SNTG1: variants seen among roughly 807,000 people sequenced by gnomAD.
The protein encoded by SNTG1 is syntrophin gamma 1.
Under a neutral mutation model 74.7 loss-of-function variants are expected in SNTG1, and 39 were observed. That is an observed-to-expected ratio of 0.52 (90% CI 0.40 to 0.68). SNTG1 has a LOEUF of 0.68. Ranked by LOEUF, SNTG1 falls within the 30% of genes least tolerant of loss-of-function variation. The probability of loss-of-function intolerance (pLI) is 0.00; values close to 1 mark genes in which losing one functional copy is unlikely to be tolerated. For synonymous variants in SNTG1, 254 were observed against 217.1 expected, an observed-to-expected ratio of 1.17 and a Z score of -1.49; for missense variants, 685 against 609.5, an observed-to-expected ratio of 1.12 and a Z score of -1.30.
At chr8:50,168,827 G>A (rs1476438266) in intron 1 of SNTG1, among the ~76,000 whole-genome samples, 1 of 152,128 alleles carries the variant, frequency 6.6e-6, no homozygotes, top group Non-Finnish European at 1.5e-5. Flanking sequence ...GAGAGATCCA[G>A]TGTACACTTC....
At chr8:50,310,589 G>C (rs570366367) in intron 2 of SNTG1, among the ~76,000 whole-genome samples, 22 of 152,316 alleles carry the variant, frequency 1.4e-4, no homozygotes, top group African/African-American at 5.1e-4. Flanking sequence ...TCGGGAGGCT[G>C]AGGCAGGAGA....
intron 1 of SNTG1, among the ~76,000 whole-genome samples, chr8:50,086,038 A>G (rs1822852693): frequency 7.7e-6 from 1 of 129,788 alleles, no homozygotes; most frequent in East Asian, 2.0e-4. Flanking sequence ...TGAGAGAAAG[A>G]AAAAAAAAAG....
chr8:50,543,550 T>C (rs2094364170), intron 11 of SNTG1, among the ~76,000 whole-genome samples: 1 of 152,140 alleles, frequency 6.6e-6, no homozygotes, highest in African/African-American at 2.4e-5. Flanking sequence ...CATTTCTGAG[T>C]GATATCCTAT....
intron 8 of SNTG1, among the ~76,000 whole-genome samples, chr8:50,453,609 T>C (rs1255083260): frequency 1.3e-5 from 2 of 152,330 alleles, no homozygotes; most frequent in East Asian, 3.9e-4. Context: ...CACTCTATTA[T>C]GTATTCATAA....
At chr8:50,165,774 A>G (rs181088335) in intron 1 of SNTG1, among the ~76,000 whole-genome samples, 126 of 152,332 alleles carry the variant, frequency 8.3e-4, no homozygotes, top group African/African-American at 2.9e-3. Flanking sequence ...CATTTGTCAT[A>G]TAACCAATGG....
chr8:50,092,756 A>T (rs1293237009), intron 1 of SNTG1, among the ~76,000 whole-genome samples: 1 of 152,100 alleles, frequency 6.6e-6, no homozygotes, highest in Non-Finnish European at 1.5e-5. Flanking sequence ...GGAGACTATG[A>T]CTATCACAAC....
At chr8:50,273,389 A>G (rs2087898674) in intron 2 of SNTG1, among the ~76,000 whole-genome samples, 1 of 152,242 alleles carries the variant, frequency 6.6e-6, no homozygotes, top group Non-Finnish European at 1.5e-5. Flanking sequence ...TGTGGCATCT[A>G]TAACCTGTGC....
intron 2 of SNTG1, among the ~76,000 whole-genome samples, chr8:50,293,223 G>A (rs1182404902): frequency 2.0e-5 from 3 of 152,090 alleles, no homozygotes; most frequent in African/African-American, 7.2e-5. Context: ...TGATTCTGAA[G>A]GCTAGAAGTC....
chr8:50,018,939 A>C (rs556554395), intron 1 of SNTG1, among the ~76,000 whole-genome samples: 3 of 152,040 alleles, frequency 2.0e-5, no homozygotes, highest in Non-Finnish European at 4.4e-5. Flanking sequence ...AATTAAACAT[A>C]GAATTGTTAT....
chr8:50,265,640 G>A (rs1405395599), intron 2 of SNTG1, among the ~76,000 whole-genome samples: 1 of 151,908 alleles, frequency 6.6e-6, no homozygotes, highest in Non-Finnish European at 1.5e-5. Context: ...CCAAGAATAT[G>A]GAATAATAGG....
intron 4 of SNTG1, among the ~76,000 whole-genome samples, chr8:50,431,767 TC>T (rs766832647): frequency 1.1e-4 from 16 of 152,188 alleles, no homozygotes; most frequent in Non-Finnish European, 2.1e-4. Flanking sequence ...AATTTGCAAT[TC>T]CCCCTGACAA....
chr8:50,174,348 T>C (rs890643811), intron 2 of SNTG1, among the ~76,000 whole-genome samples: 1 of 152,230 alleles, frequency 6.6e-6, no homozygotes, highest in Non-Finnish European at 1.5e-5. Flanking sequence ...TTTGGGTATA[T>C]ACCCAGTAAT....
chr8:50,120,769 A>G lies in SNTG1; in HGVS notation c.-102-51792A>G, dbSNP rs555211370. The stretch of plus-strand genomic sequence containing the variant: ...ATTTTAATGTCCACATTCTGTTTTT[A>G]TTTTTGGGCCTCATATTTCACTTAA... On this transcript the variant is annotated intron_variant, in intron 1 of 18. Transcript: ENST00000642720. Among the ~76,000 whole-genome samples the G allele has an allele frequency of 2.1e-5, 3 of 142,334 alleles. 1 individual carries two copies. In the South Asian group the frequency reaches 7.8e-4, roughly 37 times the overall value. The allele number at this position is 142,334 out of a possible 152,430, so 93.4% of individuals were successfully genotyped here. A position where few individuals can be genotyped will look rare whatever the true frequency, so the allele number is the denominator to read the frequency against.
At chr8:50,557,136 A>G (rs2094460442) in intron 12 of SNTG1, among the ~76,000 whole-genome samples, 1 of 143,664 alleles carries the variant, frequency 7.0e-6, no homozygotes, top group African/African-American at 2.6e-5. Flanking sequence ...CCCAGCATGC[A>G]CCCCCACTTC....
At chr8:49,972,480 C>T (rs1399431261) in intron 1 of SNTG1, among the ~76,000 whole-genome samples, 1 of 152,140 alleles carries the variant, frequency 6.6e-6, no homozygotes, top group Non-Finnish European at 1.5e-5. Context: ...TCTAAAACAT[C>T]AAAAGCAATG....
intron 15 of SNTG1, 113 bp downstream of exon 15, chr8:50,658,776 G>C (rs779756269): frequency 1.2e-5 from 8 of 663,772 alleles, no homozygotes; most frequent in Non-Finnish European, 2.0e-5. Flanking sequence ...GAAGAGACAC[G>C]ATAAAGACAA....
At chr8:50,350,699 C>T (rs188258436) in intron 2 of SNTG1, among the ~76,000 whole-genome samples, 258 of 152,336 alleles carry the variant, frequency 1.7e-3, no homozygotes, top group African/African-American at 6.0e-3. Flanking sequence ...CACTCTGTAT[C>T]TAGCTACTCT....
At chr8:50,015,056 A>T (rs565673412) in intron 1 of SNTG1, among the ~76,000 whole-genome samples, 74 of 151,942 alleles carry the variant, frequency 4.9e-4, no homozygotes, top group South Asian at 3.9e-3. Context: ...AGAAGCCCAG[A>T]TTTTGAATTT....
chr8:50,633,422 T>C (rs1193210649), intron 13 of SNTG1, among the ~76,000 whole-genome samples: 4 of 152,156 alleles, frequency 2.6e-5, no homozygotes, highest in Admixed American at 2.6e-4. Context: ...TAAAAACCAG[T>C]GGAATAGTTA....
Sources: gnomAD v4.1 joint callset for allele counts (sites outside exome capture counted in the v4.1 genomes callset) on GRCh38, gnomAD v4.1.1 for gene constraint, MANE v1.5 for transcripts, NCBI Gene and HGNC (gene_info 2026-07-23, HGNC 2026-07-21) for gene names.